The following TMEM87A variants were observed in gnomAD, a reference collection of about 807,000 sequenced individuals.
TMEM87A encodes the protein transmembrane protein 87A.
TMEM87A carries 50 observed loss-of-function variants against 90.0 expected under a neutral mutation model. The ratio of observed to expected loss-of-function variants is 0.56; its 90% confidence interval spans 0.44 to 0.70. The LOEUF is 0.70. Ranked by LOEUF, TMEM87A falls within the 30% of genes least tolerant of loss-of-function variation. The probability of loss-of-function intolerance (pLI) is 0.00; values close to 1 mark genes in which losing one functional copy is unlikely to be tolerated. For missense variants in TMEM87A, 577 were observed against 660.5 expected (o/e 0.87, Z 1.39); for synonymous variants, 226 against 226.7 (o/e 1.00, Z 0.03).
intron 11 of TMEM87A, among the ~76,000 whole-genome samples, chr15:42,232,321 TTCCACCTCA>T (rs2050699087): frequency 6.6e-6 from 1 of 152,156 alleles, no homozygotes; most frequent in South Asian, 2.1e-4. Context: ...CAATCAGTCC[TTCCACCTCA>T]GCCTCCCAAG....
intron 6 of TMEM87A, among the ~76,000 whole-genome samples, chr15:42,246,282 A>T (rs1458672155): frequency 1.3e-5 from 2 of 152,158 alleles, no homozygotes; most frequent in African/African-American, 4.8e-5. Context: ...TTTTCTAAGT[A>T]CTGAGACCCA....
intron 6 of TMEM87A, among the ~76,000 whole-genome samples, chr15:42,248,565 G>A (rs1192077242): frequency 2.6e-5 from 4 of 152,118 alleles, no homozygotes; most frequent in Admixed American, 1.3e-4. Context: ...CTTTGGTTCT[G>A]TTTATGTGAT....
intron 4 of TMEM87A, among the ~76,000 whole-genome samples, chr15:42,263,165 A>G (rs1005908306): frequency 6.6e-6 from 1 of 152,354 alleles, no homozygotes; most frequent in Non-Finnish European, 1.5e-5. Context: ...CCATCAACAG[A>G]TGAATGGAAA....
chr15:42,273,078 G>A, intron 1 of TMEM87A, 177 bp downstream of exon 1: 1 of 742,618 alleles, frequency 1.3e-6, no homozygotes, highest in Non-Finnish European at 2.2e-6. Flanking sequence ...CCTAATCACA[G>A]AAGTGCGCGG....
chr15:42,247,085 A>C (rs2050990842), intron 6 of TMEM87A, among the ~76,000 whole-genome samples: 1 of 152,198 alleles, frequency 6.6e-6, no homozygotes, highest in African/African-American at 2.4e-5. Flanking sequence ...TGGCTGCATA[A>C]ACGTCTTCTT....
intron 2 of TMEM87A, among the ~76,000 whole-genome samples, chr15:42,269,740 T>C (rs567134135): frequency 1.3e-5 from 2 of 150,326 alleles, no homozygotes; most frequent in African/African-American, 2.4e-5. Context: ...ATCGAGACCA[T>C]CCTGGCTAAC....
At position 42,268,039 on chromosome 15, in the gene TMEM87A, A is replaced by T; in HGVS notation, c.206-7T>A. On this transcript the variant is annotated splice_region_variant and splice_polypyrimidine_tract_variant and intron_variant, in intron 2 of 19. Transcript: ENST00000389834. ...TCACAAGGTTCTCCATCAACTACAA[A>T]AGAAGAAATCTTTGTTAACAAAAGA... 2 of 1,609,966 alleles carry T rather than the reference A, an allele frequency of 1.2e-6. No individual in the cohort carries two copies. The highest frequency in any genetic ancestry group is 1.7e-6 in the Non-Finnish European group (2 of 1,177,272).
At chr15:42,264,001 C>A in intron 4 of TMEM87A, 89 bp downstream of exon 4, 1 of 932,562 alleles carries the variant, frequency 1.1e-6, no homozygotes, top group Non-Finnish European at 1.7e-6. Flanking sequence ...AAAAGAAATA[C>A]TTGAGAAGTC....
intron 6 of TMEM87A, among the ~76,000 whole-genome samples, chr15:42,260,025 T>G (rs1204520233): frequency 6.6e-6 from 1 of 152,230 alleles, no homozygotes; most frequent in Non-Finnish European, 1.5e-5. Flanking sequence ...GATTGGTGCT[T>G]GCACAACTTG....
intron 6 of TMEM87A, among the ~76,000 whole-genome samples, chr15:42,251,033 G>GCT (rs2051075127): frequency 6.6e-6 from 1 of 152,016 alleles, no homozygotes; most frequent in Non-Finnish European, 1.5e-5. Context: ...GATCGAATCA[G>GCT]CTACTGAAGC....
At chr15:42,260,896 A>ATT in intron 6 of TMEM87A, 62 bp downstream of exon 6, 1 of 1,534,520 alleles carries the variant, frequency 6.5e-7, no homozygotes, top group Non-Finnish European at 8.9e-7. Context: ...CAATTCAGAA[A>ATT]TACACAAATT....
intron 6 of TMEM87A, among the ~76,000 whole-genome samples, chr15:42,251,008 C>G (rs957429973): frequency 6.6e-6 from 1 of 152,114 alleles, no homozygotes; most frequent in Non-Finnish European, 1.5e-5. Context: ...ATCACTGATA[C>G]CCTTTCTTCC....
chr15:42,263,626 T>C (rs550719615), intron 4 of TMEM87A, among the ~76,000 whole-genome samples: 306 of 152,266 alleles, frequency 2.0e-3, no homozygotes, highest in African/African-American at 7.1e-3. Flanking sequence ...TGTGAATCTG[T>C]AGCCCTAGCC....
chr15:42,258,570 G>A (rs1349622564), intron 6 of TMEM87A: 2 of 396,072 alleles, frequency 5.0e-6, no homozygotes, highest in Non-Finnish European at 7.1e-6. Flanking sequence ...TGGATTACAG[G>A]TGCCTGCCAC....
intron 6 of TMEM87A, among the ~76,000 whole-genome samples, chr15:42,250,414 C>T (rs1278198905): frequency 6.6e-6 from 1 of 152,166 alleles, no homozygotes; most frequent in African/African-American, 2.4e-5. Flanking sequence ...CTGGTTGTTC[C>T]TTTCCACGTT....
At chr15:42,226,591 T>C (rs761734534) in intron 15 of TMEM87A, 22 of 506,510 alleles carry the variant, frequency 4.3e-5, no homozygotes, top group South Asian at 6.1e-5. Flanking sequence ...CCTCAGTATA[T>C]AGAAAGGAAA....
chr15:42,231,798 T>C (rs1259378941), intron 11 of TMEM87A: 1 of 1,015,290 alleles, frequency 9.8e-7, no homozygotes, highest in African/African-American at 1.7e-5. Context: ...GTATGTTTTT[T>C]ATATAACCCT....
rs536267124 is a variant in TMEM87A, at chr15:42,215,140, C to T, written c.1626+2663G>A. ...ATGTTACTGTACTGAATACCAAAGG[C>T]AACTGGAATACAATGGTAAGTATTT... On this transcript the variant is annotated intron_variant, in intron 19 of 19. Transcript: ENST00000389834. Among the ~76,000 whole-genome samples, 4 of 152,300 alleles carry T rather than the reference C, an allele frequency of 2.6e-5. No homozygotes were observed. The East Asian group carries it at 7.7e-4, about 29-fold the overall frequency.
intron 8 of TMEM87A, among the ~76,000 whole-genome samples, chr15:42,237,993 G>GTA (rs541273408): frequency 7.1e-5 from 1 of 14,094 alleles, no homozygotes; most frequent in African/African-American, 9.6e-5. Context: ...GCTCTCATAT[G>GTA]TATATATATA....
Sources: allele counts gnomAD v4.1 joint callset (sites outside exome capture counted in the v4.1 genomes callset), GRCh38; gene constraint gnomAD v4.1.1; transcripts MANE v1.5; gene names NCBI Gene and HGNC (gene_info 2026-07-23, HGNC 2026-07-21).